THBS4: variants seen among roughly 807,000 people sequenced by gnomAD.
THBS4 encodes the protein thrombospondin 4.
THBS4 carries 90 observed loss-of-function variants against 115.7 expected under a neutral mutation model. That is an observed-to-expected ratio of 0.78 (90% confidence interval 0.66 to 0.93). THBS4 has a LOEUF of 0.93. Among genes scored for constraint, THBS4 ranks in the 40% least tolerant of loss-of-function variants. The probability of loss-of-function intolerance (pLI) is 0.00; values close to 1 mark genes in which losing one functional copy is unlikely to be tolerated. For synonymous variants in THBS4, 460 were observed against 479.3 expected (o/e 0.96, Z 0.53); for missense variants, 1,087 against 1,232.7 (o/e 0.88, Z 1.77).
At chr5:80,060,794 C>A (rs1456440825) in intron 7 of THBS4, among the ~76,000 whole-genome samples, 3 of 152,158 alleles carry the variant, frequency 2.0e-5, no homozygotes, top group Admixed American at 1.3e-4. Context: ...ATCACCAGTC[C>A]AGTTGCAAAG....
intron 2 of THBS4, among the ~76,000 whole-genome samples, chr5:80,020,255 G>A (rs1185551622): frequency 5.9e-5 from 9 of 152,228 alleles, no homozygotes; most frequent in Admixed American, 4.6e-4. Flanking sequence ...GGTGGATCAC[G>A]AGGTCAGGAG....
chr5:79,996,289 G>A (rs1437330927), intron 1 of THBS4, among the ~76,000 whole-genome samples: 1 of 152,322 alleles, frequency 6.6e-6, no homozygotes, highest in South Asian at 2.1e-4. Flanking sequence ...TAATGATTAG[G>A]TGCCTCTTTA....
intron 2 of THBS4, among the ~76,000 whole-genome samples, chr5:80,046,234 A>G (rs1833061601): frequency 6.6e-6 from 1 of 152,224 alleles, no homozygotes; most frequent in Admixed American, 6.5e-5. Flanking sequence ...AAGAACAGTT[A>G]AAAGAAAACA....
At position 80,083,064 on chromosome 5, in the gene THBS4, C is replaced by A. The variant is rs749258214; in HGVS notation, c.2825-16C>A. 4 of 1,612,420 alleles carry A rather than the reference C, an allele frequency of 2.5e-6. No individual in the cohort carries two copies. The South Asian group carries it at 4.4e-5, about 18-fold the overall frequency. On this transcript the variant is annotated splice_polypyrimidine_tract_variant and intron_variant, in intron 21 of 21. Coordinates refer to ENST00000350881, the MANE Select transcript of THBS4 (RefSeq NM_003248.6). ...AAGGAGCCTCGCTAACCTCCCTGTG[C>A]CCATTCCTATTGCAGACACCATCCC...
rs1194725127 is a variant in THBS4, at chr5:80,071,179, T to C, written c.1719T>C (p.Asp573=). 6.4e-7 allele frequency: 1 copy of C among 1,569,874 alleles called. No individual in the cohort carries two copies. The highest frequency in any genetic ancestry group is 8.6e-7 in the Non-Finnish European group (1 of 1,164,558). The change falls in exon 13 of 22, where the codon GAT becomes GAC. Residue 573 remains aspartate (D), a splice_region_variant and synonymous_variant. Transcript: ENST00000350881. ...GDACDDDMDG[D]GIKNILDNCP... ...CCTGTGATGATGACATGGATGGAGA[T>C]GGTAGATTTATCTTGCTTTTGTCTT...
chr5:80,053,924 G>T (rs1256871667), intron 2 of THBS4, among the ~76,000 whole-genome samples: 1 of 152,012 alleles, frequency 6.6e-6, no homozygotes, highest in Admixed American at 6.6e-5. Flanking sequence ...TTAGCCAATG[G>T]GCTCCACTCA....
At position 80,068,270 on chromosome 5, in the gene THBS4, G is replaced by T. The variant is rs1463976612; in HGVS notation, c.1347+145G>T. Reference sequence around the variant, plus strand: ...GAGCATGGAGTGTAATAGGAACAGGGTCCACCGAGTTTGTGGGGAGCAGCC... The same window carrying T: ...GAGCATGGAGTGTAATAGGAACAGGTTCCACCGAGTTTGTGGGGAGCAGCC... On this transcript the variant is annotated intron_variant, in intron 10 of 21. Coordinates refer to ENST00000350881, the MANE Select transcript of THBS4 (RefSeq NM_003248.6). The T allele has an allele frequency of 7.7e-6, 8 of 1,036,396 alleles. No homozygotes were observed. The African/African-American group carries it at 1.3e-4, about 17-fold the overall frequency. 64.2% of individuals were successfully genotyped at this position (1,036,396 alleles called of 1,614,324 possible). A position where few individuals can be genotyped will look rare whatever the true frequency, so the allele number is the denominator to read the frequency against.
chr5:80,010,256 A>G (rs1362904421), intron 2 of THBS4, among the ~76,000 whole-genome samples: 1 of 152,196 alleles, frequency 6.6e-6, no homozygotes, highest in Non-Finnish European at 1.5e-5. Context: ...AGCAGACTAC[A>G]CTTTCCCCAA....
At chr5:80,041,203 T>A (rs564499660) in intron 2 of THBS4, among the ~76,000 whole-genome samples, 2 of 152,310 alleles carry the variant, frequency 1.3e-5, no homozygotes, top group African/African-American at 4.8e-5. Flanking sequence ...TAGATGGCCA[T>A]CTTTTTATTG....
At chr5:80,068,254 G>A (rs1833908276) in intron 10 of THBS4, 129 bp downstream of exon 10, 1 of 1,176,464 alleles carries the variant, frequency 8.5e-7, no homozygotes. Flanking sequence ...TGAGCATGGA[G>A]TGTAATAGGA....
intron 2 of THBS4, among the ~76,000 whole-genome samples, chr5:80,043,555 G>A (rs1348112377): frequency 6.6e-6 from 1 of 152,172 alleles, no homozygotes; most frequent in East Asian, 1.9e-4. Flanking sequence ...AAACACCTGA[G>A]TAGGAAATAA....
At chr5:80,051,710 T>C (rs1029039070) in intron 2 of THBS4, among the ~76,000 whole-genome samples, 1 of 152,240 alleles carries the variant, frequency 6.6e-6, no homozygotes, top group African/African-American at 2.4e-5. Context: ...TATAAAAAGC[T>C]TTAAATACAA....
intron 9 of THBS4, among the ~76,000 whole-genome samples, chr5:80,065,770 T>C (rs1213845111): frequency 6.6e-6 from 1 of 152,234 alleles, no homozygotes; most frequent in Non-Finnish European, 1.5e-5. Flanking sequence ...TCCTGTATTT[T>C]AAAATTGTGA....
intron 2 of THBS4, among the ~76,000 whole-genome samples, chr5:80,024,321 G>A (rs1832434107): frequency 6.6e-6 from 1 of 152,050 alleles, no homozygotes; most frequent in South Asian, 2.1e-4. Context: ...GTTTTTACCG[G>A]CCACTCTCAG....
At position 80,055,937 on chromosome 5, in the gene THBS4, C is replaced by T. The variant is rs1561312932; in HGVS notation, c.445C>T (p.Gln149Ter). 1 of 1,614,224 alleles carries T rather than the reference C, an allele frequency of 6.2e-7. No homozygotes were observed. The highest frequency in any genetic ancestry group is 2.2e-5 in the East Asian group (1 of 44,882). ...GSLELYLDCI[Q>*]VDSVHNLPRA... Reference sequence around the variant, plus strand: ...CCTAGAGCTCTACCTGGACTGCATCCAGGTGGATTCCGTTCACAATCTCCC... The same window carrying T: ...CCTAGAGCTCTACCTGGACTGCATCTAGGTGGATTCCGTTCACAATCTCCC... The change falls in exon 3 of 22, where the codon CAG becomes TAG. Residue 149 changes from glutamine (Q) to a stop codon, truncating the protein, a stop_gained. Transcript: ENST00000350881. LOFTEE classifies it high-confidence loss of function.
chr5:80,040,144 C>A lies in THBS4; in HGVS notation c.156C>A (p.Asp52Glu), dbSNP rs769604290. 3.7e-6 allele frequency: 6 copies of A among 1,614,148 alleles called. No homozygotes were observed. The highest frequency in any genetic ancestry group is 5.1e-6 in the Non-Finnish European group (6 of 1,180,034). ...GCGCTCTGCTGCCAGTCCTGACAGACCCCGCCCTGAATGATCTCTATGTGA... is the reference window on the plus strand; with the variant it reads ...GCGCTCTGCTGCCAGTCCTGACAGAACCCGCCCTGAATGATCTCTATGTGA... Reference protein sequence around the residue: ...NPGALLPVLTDPALNDLYVIS... With the variant: ...NPGALLPVLTEPALNDLYVIS... Residue 52 changes from aspartate to glutamate, a missense_variant, in exon 2 of 22, where the codon GAC becomes GAA. By Grantham distance (45) the Asp-to-Glu change is conservative (BLOSUM62 2). This residue lies in a region of THBS4 where 979 missense variants were observed against 1,103.7 expected (regional missense o/e 0.89). Transcript: ENST00000350881.
chr5:80,075,338 C>T (rs1743149464), intron 15 of THBS4: 1 of 152,170 alleles, frequency 6.6e-6, no homozygotes, highest in Non-Finnish European at 1.5e-5. Context: ...AAATGCATCG[C>T]ACAGGTTATG....
chr5:80,069,926 G>T (rs879427600), intron 10 of THBS4, among the ~76,000 whole-genome samples: 3 of 152,118 alleles, frequency 2.0e-5, no homozygotes, highest in Admixed American at 6.5e-5. Context: ...ATTTCCCTTG[G>T]CCCAGACTCT....
upstream of THBS4, among the ~76,000 whole-genome samples, chr5:80,032,675 A>G (rs1321880322): frequency 2.6e-5 from 4 of 152,182 alleles, no homozygotes; most frequent in African/African-American, 9.7e-5. Context: ...TGCGGGCAGG[A>G]AGCATCCAGC....
Sources: gnomAD v4.1 joint callset for allele counts (sites outside exome capture counted in the v4.1 genomes callset) on GRCh38, gnomAD v4.1.1 for gene constraint, gnomAD v4.1.1 regional missense constraint, MANE v1.5 for transcripts, NCBI Gene and HGNC (gene_info 2026-07-23, HGNC 2026-07-21) for gene names.